The following SERPINA11 variants were observed in gnomAD, a reference collection of about 807,000 sequenced individuals.
SERPINA11 encodes serpin family A member 11.
SERPINA11 carries 28 observed loss-of-function variants against 29.4 expected under a neutral mutation model. The ratio of observed to expected loss-of-function variants is 0.95; its 90% confidence interval spans 0.70 to 1.30. The LOEUF (loss-of-function observed/expected upper bound fraction) is 1.30. SERPINA11 is among the 50% of genes most tolerant of loss of function. The probability of loss-of-function intolerance (pLI) is 0.00; values close to 1 mark genes in which losing one functional copy is unlikely to be tolerated. For synonymous variants in SERPINA11, 253 were observed against 206.6 expected, an observed-to-expected ratio of 1.22 and a Z score of -1.92; for missense variants, 530 against 507.3, an observed-to-expected ratio of 1.04 and a Z score of -0.43.
chr14:94,449,248 A>G (rs1898512799), intron 1 of SERPINA11, among the ~76,000 whole-genome samples: 1 of 152,024 alleles, frequency 6.6e-6, no homozygotes, highest in Non-Finnish European at 1.5e-5. Context: ...AGGTGGGAGA[A>G]TCGCTTGGGC....
chr14:94,451,443 G>T (rs114401538), intron 1 of SERPINA11, among the ~76,000 whole-genome samples: 3 of 152,262 alleles, frequency 2.0e-5, no homozygotes, highest in African/African-American at 7.2e-5. Context: ...TCTTTTGATC[G>T]AAAATTTGGA....
At position 94,448,202 on chromosome 14, in the gene SERPINA11, T is replaced by G; in HGVS notation, c.573A>C (p.Gln191His). The G allele has an allele frequency of 6.2e-7, 1 of 1,614,218 alleles. No homozygotes were observed. ...TGAACTCCGGGAGGCAGTCCACGAC[T>G]TGCCCGTATGTTTGCCTTCTCAAAT... ...NDYLRRQTYG[Q>H]VVDCLPEFSQ... The change falls in exon 2 of 5, where the codon CAA (glutamine) becomes CAC (histidine). Residue 191 changes from glutamine to histidine, a missense_variant. Transcript: ENST00000334708.
Position 94,450,517 on chromosome 14 carries a change from G to T in SERPINA11, c.-3-1740C>A, listed in dbSNP as rs370810964. Among the ~76,000 whole-genome samples, 12 of 152,310 alleles carry T rather than the reference G, an allele frequency of 7.9e-5. No homozygotes were observed. In the East Asian group the frequency reaches 1.5e-3, roughly 20 times the overall value. ...GAGGCAAAGCTAGGAAAGGAGCCTGGAGCAGATTCTCCTTCACAGCCTCAG... is the reference window on the plus strand; with the variant it reads ...GAGGCAAAGCTAGGAAAGGAGCCTGTAGCAGATTCTCCTTCACAGCCTCAG... On this transcript the variant is annotated intron_variant, in intron 1 of 4. Coordinates refer to ENST00000334708, the MANE Select transcript of SERPINA11 (RefSeq NM_001080451.2).
At chr14:94,445,459 A>C (rs1595653094) in intron 3 of SERPINA11, among the ~76,000 whole-genome samples, 1 of 152,364 alleles carries the variant, frequency 6.6e-6, no homozygotes, top group Admixed American at 6.5e-5. Context: ...GATGGGAAAT[A>C]GTTTAGAGAT....
At chr14:94,447,106 C>T (rs988465538) in intron 2 of SERPINA11, among the ~76,000 whole-genome samples, 1 of 152,160 alleles carries the variant, frequency 6.6e-6, no homozygotes, top group African/African-American at 2.4e-5. Flanking sequence ...CGCTCAAGAG[C>T]TCCTTCCTTC....
chr14:94,446,429 C>T lies in SERPINA11; in HGVS notation c.819G>A (p.Leu273=). Residue 273 remains leucine, a synonymous_variant, in exon 3 of 5, where the codon TTG becomes TTA. Coordinates refer to ENST00000334708, the MANE Select transcript of SERPINA11 (RefSeq NM_001080451.2). ...VLQIEYRGNA[L]ALLVLPDPGK... ...CCGGGTCAGGGAGGACCAGCAGCGC[C>T]AAGGCATTTCCTCTGTATTCTATCT... 1 of 1,614,160 alleles carries T rather than the reference C, an allele frequency of 6.2e-7. No homozygotes were observed. The highest frequency in any genetic ancestry group is 8.5e-7 in the Non-Finnish European group (1 of 1,180,012).
At chr14:94,449,403 TCTATTC>T (rs1448029022) in intron 1 of SERPINA11, among the ~76,000 whole-genome samples, 1 of 31,220 alleles carries the variant, frequency 3.2e-5, no homozygotes, top group Non-Finnish European at 7.8e-5. Context: ...TTTCTTTCTT[TCTATTC>T]TTTCTTTCTT....
At chr14:94,443,649 T>C in intron 3 of SERPINA11, among the ~76,000 whole-genome samples, 1 of 152,284 alleles carries the variant, frequency 6.6e-6, no homozygotes, top group East Asian at 1.9e-4. Flanking sequence ...CTGAACTAGG[T>C]CCTAAATCCA....
At chr14:94,449,445 C>A (rs899923469) in intron 1 of SERPINA11, among the ~76,000 whole-genome samples, 7 of 109,978 alleles carry the variant, frequency 6.4e-5, no homozygotes, top group Non-Finnish European at 1.0e-4. Flanking sequence ...TTCTTTCTTT[C>A]TTTCTTTCTT....
intron 1 of SERPINA11, among the ~76,000 whole-genome samples, chr14:94,451,998 T>C (rs1898594995): frequency 6.6e-6 from 1 of 152,216 alleles, no homozygotes; most frequent in South Asian, 2.1e-4. Flanking sequence ...CACTGGCTCC[T>C]GACAAAGGCA....
intron 2 of SERPINA11, 151 bp downstream of exon 2, chr14:94,447,981 A>G (rs945626136): frequency 1.4e-4 from 103 of 757,616 alleles, no homozygotes; most frequent in African/African-American, 1.7e-5. Context: ...TTTCCAACCC[A>G]CATGGACTGT....
At chr14:94,446,196 A>G (rs2139775932) in intron 3 of SERPINA11, 135 bp downstream of exon 3, 2 of 869,614 alleles carry the variant, frequency 2.3e-6, no homozygotes, top group Non-Finnish European at 3.6e-6. Flanking sequence ...AAAATTGCCA[A>G]GATCACACAG....
In SERPINA11 at chr14:94,448,270, T is replaced by G; in HGVS notation, c.505A>C (p.Asn169His). 1 of 1,614,236 alleles carries G rather than the reference T, an allele frequency of 6.2e-7. No individual in the cohort carries two copies. The highest frequency in any genetic ancestry group is 8.5e-7 in the Non-Finnish European group (1 of 1,180,046). Residue 169 changes from asparagine (N) to histidine (H), a missense_variant, in exon 2 of 5, where the codon AAC (asparagine) becomes CAC (histidine). Physicochemically the swap from Asn to His is moderately conservative, Grantham distance 68. Transcript: ENST00000334708. ...ELYGAFAFSA[N>H]FTDSVTTGRQ... ...CCAGTTGTAACAGAATCTGTGAAGT[T>G]GGCAGAAAAAGCAAAAGCTCCATAA...
In SERPINA11 at chr14:94,443,121, T is replaced by A; in HGVS notation, c.1022A>T (p.Asp341Val). ...GAGCTGCCCAGTGACTCCTGAGAAG[T>A]CAGCTTCTAAGTTGAGTATGTTGGT... ...GLTNILNLEA[D>V]FSGVTGQLNK... Residue 341 changes from aspartate to valine, a missense_variant, in exon 4 of 5, where the codon GAC (aspartate) becomes GTC (valine). Asp to Val is a radical substitution (Grantham distance 152). Coordinates refer to ENST00000334708, the MANE Select transcript of SERPINA11 (RefSeq NM_001080451.2). The A allele has an allele frequency of 6.2e-7, 1 of 1,613,992 alleles. No individual in the cohort carries two copies. The highest frequency in any genetic ancestry group is 8.5e-7 in the Non-Finnish European group (1 of 1,179,938).
At position 94,442,716 on chromosome 14, in the gene SERPINA11, T is replaced by G. The variant is rs199570898; in HGVS notation, c.1159A>C (p.Met387Leu). 1 of 1,613,596 alleles carries G rather than the reference T, an allele frequency of 6.2e-7. No individual in the cohort carries two copies. The highest frequency in any genetic ancestry group is 1.3e-5 in the African/African-American group (1 of 74,900). The change falls in exon 5 of 5, where the codon ATG becomes CTG. Residue 387 changes from methionine to leucine, a missense_variant. Physicochemically the swap from Met to Leu is conservative, Grantham distance 15. Transcript: ENST00000334708. Reference protein sequence around the residue: ...LLSQPPSLNTMSDPHAHFNRP... With the variant: ...LLSQPPSLNTLSDPHAHFNRP... Reference sequence around the variant, plus strand: ...TTGAAGTGGGCATGTGGGTCTGACATGGTGTTCAGAGATGGGGGCTGGGAG... The same window carrying G: ...TTGAAGTGGGCATGTGGGTCTGACAGGGTGTTCAGAGATGGGGGCTGGGAG...
intron 3 of SERPINA11, among the ~76,000 whole-genome samples, chr14:94,445,874 G>A (rs1898427027): frequency 6.6e-6 from 1 of 152,118 alleles, no homozygotes; most frequent in East Asian, 1.9e-4. Flanking sequence ...GCTGCACCCA[G>A]CCATGATTAT....
intron 2 of SERPINA11, among the ~76,000 whole-genome samples, chr14:94,446,942 A>G (rs914357223): frequency 6.6e-6 from 1 of 152,254 alleles, no homozygotes; most frequent in Non-Finnish European, 1.5e-5. Context: ...TATTATTCCC[A>G]TATCAGGGAT....
At chr14:94,442,876 C>T in intron 4 of SERPINA11, 67 bp from the exon 5 acceptor site, 1 of 1,412,036 alleles carries the variant, frequency 7.1e-7, no homozygotes, top group Non-Finnish European at 9.6e-7. Flanking sequence ...CACTGTATTC[C>T]TGCCATGAAG....
At chr14:94,444,512 G>A (rs929328606) in intron 3 of SERPINA11, among the ~76,000 whole-genome samples, 3 of 152,082 alleles carry the variant, frequency 2.0e-5, no homozygotes, top group African/African-American at 7.2e-5. Context: ...TGGTCTAGAA[G>A]AGTCTATGGC....
Sources: gnomAD v4.1 joint callset for allele counts (sites outside exome capture counted in the v4.1 genomes callset) on GRCh38, gnomAD v4.1.1 for gene constraint, MANE v1.5 for transcripts, NCBI Gene and HGNC (gene_info 2026-07-23, HGNC 2026-07-21) for gene names.